The following SMAD1 variants were observed in gnomAD, a reference collection of about 807,000 sequenced individuals.
SMAD1 encodes SMAD family member 1, also known as MAD, mothers against decapentaplegic homolog 1.
A neutral mutation model predicts 41.6 loss-of-function variants in SMAD1; 6 were observed. The observed-to-expected ratio is 0.14, with a 90% CI of 0.08 to 0.28. The LOEUF is 0.28. Among genes scored for constraint, SMAD1 ranks in the 10% least tolerant of loss-of-function variants. The pLI is 1.00. For missense variants in SMAD1, 379 were observed against 582.6 expected, an observed-to-expected ratio of 0.65 and a Z score of 3.60; for synonymous variants, 206 against 203.2, an observed-to-expected ratio of 1.01 and a Z score of -0.12.
chr4:145,541,902 G>T (rs1487379321), intron 3 of SMAD1, among the ~76,000 whole-genome samples: 1 of 152,188 alleles, frequency 6.6e-6, no homozygotes, highest in African/African-American at 2.4e-5. Flanking sequence ...TTGTGTTAGT[G>T]TTCTTTGTTT....
chr4:145,492,194 A>C lies in SMAD1; in HGVS notation c.-177+10156A>C, dbSNP rs191198907. On this transcript the variant is annotated intron_variant, in intron 1 of 6. Coordinates refer to ENST00000302085, the MANE Select transcript of SMAD1 (RefSeq NM_005900.3). ...GTGTGTGGGTTTTTCGCTACACACC[A>C]AACACTGGCTGGGCTGGGTGTCTTC... is the stretch of plus-strand genomic sequence containing the variant. Among the ~76,000 whole-genome samples the C allele has an allele frequency of 1.0e-3, 158 of 152,272 alleles. 1 individual carries two copies. The highest frequency in any genetic ancestry group is 1.3e-4 in the Non-Finnish European group (9 of 68,022).
At chr4:145,550,688 A>T (rs1732506794) in intron 5 of SMAD1, among the ~76,000 whole-genome samples, 1 of 152,208 alleles carries the variant, frequency 6.6e-6, no homozygotes, top group Admixed American at 6.5e-5. Flanking sequence ...AGAAACCTCC[A>T]AAGAATCTAT....
chr4:145,540,836 G>A (rs1731888112), intron 3 of SMAD1, among the ~76,000 whole-genome samples: 1 of 151,912 alleles, frequency 6.6e-6, no homozygotes, highest in Non-Finnish European at 1.5e-5. Context: ...TTTCGGAAGG[G>A]AAAATGACTG....
intron 1 of SMAD1, among the ~76,000 whole-genome samples, chr4:145,491,266 A>G (rs1480367688): frequency 6.6e-6 from 1 of 152,190 alleles, no homozygotes; most frequent in Non-Finnish European, 1.5e-5. Context: ...GCATTTCACA[A>G]ACAAATGAAA....
chr4:145,532,894 GA>G (rs1476212953), intron 2 of SMAD1, among the ~76,000 whole-genome samples: 1 of 152,232 alleles, frequency 6.6e-6, no homozygotes, highest in Non-Finnish European at 1.5e-5. Context: ...CCCAAGAAAT[GA>G]GAATTGCACA....
chr4:145,486,432 G>A (rs1404354168), intron 1 of SMAD1, among the ~76,000 whole-genome samples: 2 of 152,158 alleles, frequency 1.3e-5, no homozygotes, highest in Non-Finnish European at 2.9e-5. Context: ...GTTAAACACT[G>A]TAAGAATAGT....
chr4:145,541,948 A>G (rs1731969118), intron 3 of SMAD1, among the ~76,000 whole-genome samples: 1 of 152,228 alleles, frequency 6.6e-6, no homozygotes, highest in South Asian at 2.1e-4. Flanking sequence ...GCCAGAAGAA[A>G]CATATATGTA....
At chr4:145,544,637 G>A (rs1732145929) in intron 4 of SMAD1, 1 of 151,276 alleles carries the variant, frequency 6.6e-6, no homozygotes, top group African/African-American at 2.4e-5. Context: ...TTTCTTGGAT[G>A]TGCAGTGTCA....
chr4:145,520,235 A>C (rs1214216447), intron 2 of SMAD1, among the ~76,000 whole-genome samples: 1 of 152,246 alleles, frequency 6.6e-6, no homozygotes, highest in African/African-American at 2.4e-5. Context: ...AAGGAGGTCA[A>C]ATCAGTGTGT....
chr4:145,507,821 C>A (rs1317854555), intron 1 of SMAD1, among the ~76,000 whole-genome samples: 1 of 151,744 alleles, frequency 6.6e-6, no homozygotes, highest in Non-Finnish European at 1.5e-5. Flanking sequence ...CAAAAAGGGG[C>A]AGAAAAAAAG....
Position 145,482,563 on chromosome 4 carries a change from G to C in SMAD1, c.-177+525G>C, listed in dbSNP as rs2126921181. 6.6e-6 allele frequency: 1 copy of C among 151,176 alleles called. No individual in the cohort carries two copies. The highest frequency in any genetic ancestry group is 2.0e-4 in the East Asian group (1 of 4,950). 9.4% of individuals were successfully genotyped at this position (151,176 alleles called of 1,614,324 possible). A position where few individuals can be genotyped will look rare whatever the true frequency, so the allele number is the denominator to read the frequency against. On this transcript the variant is annotated intron_variant, in intron 1 of 6. Coordinates refer to ENST00000302085, the MANE Select transcript of SMAD1 (RefSeq NM_005900.3). This position sits in a 1 kb window ranked among gnomAD's most constrained non-coding sequence, Gnocchi z 4.2. Reference sequence around the variant, plus strand: ...GCTGGCGCTGCTCTCCAAGGCGCCTGGTGGAGCGGGTCTCGCGGGCGGGGG... The same window carrying C: ...GCTGGCGCTGCTCTCCAAGGCGCCTCGTGGAGCGGGTCTCGCGGGCGGGGG...
chr4:145,502,110 C>A (rs1378901083), intron 1 of SMAD1, among the ~76,000 whole-genome samples: 1 of 152,146 alleles, frequency 6.6e-6, no homozygotes, highest in Admixed American at 6.5e-5. Flanking sequence ...TAGACTTTCT[C>A]CTGGGATAGT....
Position 145,514,423 on chromosome 4 carries a change from T to G in SMAD1, c.-176-15T>G. 2 of 528,542 alleles carry G rather than the reference T, an allele frequency of 3.8e-6. No individual in the cohort carries two copies. The highest frequency in any genetic ancestry group is 7.1e-5 in the South Asian group (2 of 28,130). 32.7% of individuals were successfully genotyped at this position (528,542 alleles called of 1,614,324 possible). On this transcript the variant is annotated splice_polypyrimidine_tract_variant and intron_variant, in intron 1 of 6. Transcript: ENST00000302085. This position sits in a 1 kb window ranked among gnomAD's most constrained non-coding sequence, Gnocchi z 4.7. Reference sequence around the variant, plus strand: ...TGGTAAAGATGATTCTAACCATTCTTTTTTTGTTTTGTAGGTGCTGACTGG... The same window carrying G: ...TGGTAAAGATGATTCTAACCATTCTGTTTTTGTTTTGTAGGTGCTGACTGG...
rs774925784 is a variant in SMAD1 at position 145,542,730 on chromosome 4, A to G, written c.775+32A>G. 4.3e-6 allele frequency: 6 copies of G among 1,409,786 alleles called. No individual in the cohort carries two copies. The South Asian group carries it at 5.9e-5, about 14-fold the overall frequency. 87.3% of individuals were successfully genotyped at this position (1,409,786 alleles called of 1,614,324 possible). On this transcript the variant is annotated intron_variant, in intron 4 of 6. Transcript: ENST00000302085. ...CTAATTGCTGCCTGTTCCCTTTTTT[A>G]GAGTCTAAAGTTTGTCCAGATGTTA...
chr4:145,523,222 C>G (rs1000736224), intron 2 of SMAD1, among the ~76,000 whole-genome samples: 1 of 152,188 alleles, frequency 6.6e-6, no homozygotes, highest in African/African-American at 2.4e-5. Flanking sequence ...AATTACAGCA[C>G]TGTATTCTAA....
rs771315697 is a variant in SMAD1 at position 145,514,823 on chromosome 4, T to C, written c.210T>C (p.Ser70=). ...QPSNCVTIPR[S]LDGRLQVSHR... is the part of the protein sequence containing the mutation. Reference sequence around the variant, plus strand: ...GTAACTGTGTCACCATTCCCCGCTCTCTGGATGGCAGGCTGCAAGTCTCCC... The same window carrying C: ...GTAACTGTGTCACCATTCCCCGCTCCCTGGATGGCAGGCTGCAAGTCTCCC... The change falls in exon 2 of 7, where the codon TCT becomes TCC. Residue 70 remains serine (S), a synonymous_variant. Transcript: ENST00000302085. This position sits in a 1 kb window ranked among gnomAD's most constrained non-coding sequence, Gnocchi z 4.7. 6.2e-7 allele frequency: 1 copy of C among 1,614,124 alleles called. No homozygotes were observed.
At chr4:145,505,761 T>C (rs1482597483) in intron 1 of SMAD1, among the ~76,000 whole-genome samples, 1 of 152,192 alleles carries the variant, frequency 6.6e-6, no homozygotes, top group Non-Finnish European at 1.5e-5. Context: ...TAAGAATATA[T>C]CTGGCGATGT....
chr4:145,541,218 A>G (rs961739413), intron 3 of SMAD1, among the ~76,000 whole-genome samples: 2 of 152,174 alleles, frequency 1.3e-5, no homozygotes, highest in African/African-American at 4.8e-5. Context: ...ATTGAATTAA[A>G]GGTTATTGCT....
intron 1 of SMAD1, among the ~76,000 whole-genome samples, chr4:145,487,641 A>C (rs1323187986): frequency 6.6e-6 from 1 of 152,216 alleles, no homozygotes; most frequent in Non-Finnish European, 1.5e-5. Context: ...GCCACCTTTA[A>C]AAAGAAAAGG....
Sources: gnomAD v4.1 joint callset for allele counts (sites outside exome capture counted in the v4.1 genomes callset) on GRCh38, gnomAD v4.1.1 for gene constraint, Gnocchi (gnomAD v3.1) non-coding constraint, MANE v1.5 for transcripts, NCBI Gene and HGNC (gene_info 2026-07-23, HGNC 2026-07-21) for gene names.